The following COL28A1 variants were observed in gnomAD, a reference collection of about 807,000 sequenced individuals.
The protein encoded by COL28A1 is collagen alpha-1(XXVIII) chain.
COL28A1 carries 161 observed loss-of-function variants against 150.2 expected under a neutral mutation model. The observed-to-expected ratio is 1.07, with a 90% CI of 0.94 to 1.22. COL28A1 has a LOEUF of 1.22. Ranked by LOEUF, COL28A1 falls within the 50% of genes most tolerant of loss-of-function variation. The probability of loss-of-function intolerance (pLI) is 0.00; values close to 1 mark genes in which losing one functional copy is unlikely to be tolerated. For synonymous variants in COL28A1, 552 were observed against 469.7 expected, an observed-to-expected ratio of 1.18 and a Z score of -2.26; for missense variants, 1,617 against 1,388.3, an observed-to-expected ratio of 1.16 and a Z score of -2.62.
At chr7:7,398,367 C>T (rs764924263) in intron 27 of COL28A1, among the ~76,000 whole-genome samples, 5 of 152,114 alleles carry the variant, frequency 3.3e-5, no homozygotes, top group South Asian at 2.1e-4. Context: ...CTGTTTATAA[C>T]GACTAGCAAA....
At chr7:7,392,358 T>A (rs938049088) in intron 27 of COL28A1, among the ~76,000 whole-genome samples, 2 of 152,224 alleles carry the variant, frequency 1.3e-5, no homozygotes, top group Non-Finnish European at 2.9e-5. Context: ...TAGTCTGATG[T>A]GCTTCCCTTT....
chr7:7,381,993 C>T (rs1162340819), intron 27 of COL28A1, among the ~76,000 whole-genome samples: 2 of 152,050 alleles, frequency 1.3e-5, no homozygotes, highest in Non-Finnish European at 2.9e-5. Context: ...TACATTTTTC[C>T]ATGTTTTCTG....
chr7:7,461,536 T>A (rs1309594392), intron 15 of COL28A1, among the ~76,000 whole-genome samples: 1 of 152,152 alleles, frequency 6.6e-6, no homozygotes, highest in Non-Finnish European at 1.5e-5. Flanking sequence ...AGACTCAGTG[T>A]TGTTGGGAGG....
the COL28A1 span, among the ~76,000 whole-genome samples, chr7:7,347,270 G>C: frequency 6.6e-6 from 1 of 152,076 alleles, no homozygotes; most frequent in Non-Finnish European, 1.5e-5. Context: ...GAATGACACA[G>C]CTCCCTTTGT....
intron 33 of COL28A1, among the ~76,000 whole-genome samples, chr7:7,367,825 A>AC (rs1165775295): frequency 6.6e-6 from 1 of 150,964 alleles, no homozygotes; most frequent in East Asian, 1.9e-4. Flanking sequence ...TAAAAAAAAA[A>AC]AAAACCACCC....
At chr7:7,427,530 G>A (rs1027654045) in intron 25 of COL28A1, among the ~76,000 whole-genome samples, 1 of 152,102 alleles carries the variant, frequency 6.6e-6, no homozygotes, top group Non-Finnish European at 1.5e-5. Context: ...GTGTGAATCG[G>A]TCCTCTGTTC....
Position 7,443,432 on chromosome 7 carries a change from TCTTCCAAAAG to T in COL28A1, c.1650+143_1650+152del, listed in dbSNP as rs373374463. On this transcript the variant is annotated intron_variant, in intron 20 of 34. Coordinates refer to ENST00000399429, the MANE Select transcript of COL28A1 (RefSeq NM_001037763.3). ...AAAAGTGAATCATATACGCTTGCTG[TCTTCCAAAAG>T]CTTCCAAGACAGTATTCATACTTTT... Among the ~76,000 whole-genome samples the T allele has an allele frequency of 5.9e-3, 905 of 152,338 alleles. 9 individuals carry two copies. The highest frequency in any genetic ancestry group is 0.021 in the African/African-American group (861 of 41,566).
chr7:7,397,962 C>T (rs1782941292), intron 27 of COL28A1, among the ~76,000 whole-genome samples: 1 of 152,206 alleles, frequency 6.6e-6, no homozygotes, highest in African/African-American at 2.4e-5. Flanking sequence ...GCATTTGCCT[C>T]AGAGTGTTCA....
At chr7:7,423,419 G>C (rs770396991) in intron 25 of COL28A1, among the ~76,000 whole-genome samples, 5 of 152,282 alleles carry the variant, frequency 3.3e-5, no homozygotes, top group African/African-American at 1.2e-4. Flanking sequence ...TAGTGTTGCT[G>C]TAATAGACCC....
intron 11 of COL28A1, among the ~76,000 whole-genome samples, chr7:7,491,834 T>C (rs1419648461): frequency 6.6e-6 from 1 of 152,234 alleles, no homozygotes. Context: ...TTCATAATAT[T>C]ATTTTTTTCT....
intron 13 of COL28A1, among the ~76,000 whole-genome samples, chr7:7,482,341 A>G (rs956698663): frequency 1.3e-5 from 2 of 152,134 alleles, no homozygotes; most frequent in African/African-American, 4.8e-5. Context: ...CCTGGCCAAC[A>G]TGGTGAAAAC....
chr7:7,408,505 A>G (rs1229440510), intron 27 of COL28A1, among the ~76,000 whole-genome samples: 1 of 152,182 alleles, frequency 6.6e-6, no homozygotes, highest in East Asian at 1.9e-4. Flanking sequence ...CATACTATGC[A>G]CTAATTTGTC....
At chr7:7,411,716 A>G (rs1244292444) in intron 27 of COL28A1, among the ~76,000 whole-genome samples, 1 of 152,192 alleles carries the variant, frequency 6.6e-6, no homozygotes, top group African/African-American at 2.4e-5. Flanking sequence ...GCGAGTTCTC[A>G]GCCTGTCTAC....
At chr7:7,383,667 T>TGTGTGC (rs1236217911) in intron 27 of COL28A1, among the ~76,000 whole-genome samples, 1 of 40,006 alleles carries the variant, frequency 2.5e-5, no homozygotes. Flanking sequence ...ATTTGAAATT[T>TGTGTGC]GTGTGTGTGT....
chr7:7,382,607 T>C (rs1194729567), intron 27 of COL28A1, among the ~76,000 whole-genome samples: 1 of 152,054 alleles, frequency 6.6e-6, no homozygotes, highest in Non-Finnish European at 1.5e-5. Flanking sequence ...GCTCCTTGGA[T>C]CTTATACTCA....
Position 7,506,014 on chromosome 7 carries a change from C to T in COL28A1, c.1026G>A (p.Lys342=), listed in dbSNP as rs773172957. The T allele has an allele frequency of 1.7e-5, 23 of 1,333,582 alleles. No individual in the cohort carries two copies. Among genetic ancestry groups the T allele is most frequent in the Middle Eastern group, 1.8e-4 (1 of 5,470 alleles). The allele number at this position is 1,333,582 out of a possible 1,614,324, so 82.6% of individuals were successfully genotyped here. A position where few individuals can be genotyped will look rare whatever the true frequency, so the allele number is the denominator to read the frequency against. ...GTCTTTAATCAAAGGGTAAGATTAC[C>T]TTATTGCCTTGAAACCCCTTTGGGC... is the stretch of plus-strand genomic sequence containing the variant. ...DPGPKGFQGN[K]GEPGPPGPYG... The change falls in exon 11 of 35, where the codon AAG becomes AAA. Residue 342 remains lysine, a splice_region_variant and synonymous_variant. Transcript: ENST00000399429.
chr7:7,415,916 C>G (rs1784051793), intron 27 of COL28A1, among the ~76,000 whole-genome samples: 1 of 152,172 alleles, frequency 6.6e-6, no homozygotes, highest in South Asian at 2.1e-4. Flanking sequence ...GATTCTCATG[C>G]CTCAGCCTCC....
chr7:7,403,763 A>G (rs777877439), intron 27 of COL28A1, among the ~76,000 whole-genome samples: 1 of 152,232 alleles, frequency 6.6e-6, no homozygotes, highest in Non-Finnish European at 1.5e-5. Flanking sequence ...TACATATGCT[A>G]CAGTCCAGAT....
chr7:7,486,703 G>A (rs1779643105), intron 13 of COL28A1, among the ~76,000 whole-genome samples: 1 of 152,244 alleles, frequency 6.6e-6, no homozygotes, highest in Non-Finnish European at 1.5e-5. Context: ...GTGATCATGT[G>A]ATCTTTCTTC....
Sources: allele counts gnomAD v4.1 joint callset (sites outside exome capture counted in the v4.1 genomes callset), GRCh38; gene constraint gnomAD v4.1.1; transcripts MANE v1.5; gene names NCBI Gene and HGNC (gene_info 2026-07-23, HGNC 2026-07-21).